Variants in NALF1 observed in about 807,000 individuals in gnomAD.
NALF1 encodes NALCN channel auxiliary factor 1.
A neutral mutation model predicts 48.4 loss-of-function variants in NALF1; 3 were observed. That is an observed-to-expected ratio of 0.06 (90% CI 0.03 to 0.16). The LOEUF (loss-of-function observed/expected upper bound fraction) is 0.16. Among genes scored for constraint, NALF1 ranks in the 10% least tolerant of loss-of-function variants. The probability of loss-of-function intolerance (pLI) is 1.00; values close to 1 mark genes in which losing one functional copy is unlikely to be tolerated. For missense variants in NALF1, 526 were observed against 571.5 expected (o/e 0.92, Z 0.81); for synonymous variants, 262 against 245.7 (o/e 1.07, Z -0.62).
At chr13:107,787,992 T>C (rs550479824) in intron 1 of NALF1, among the ~76,000 whole-genome samples, 1 of 152,298 alleles carries the variant, frequency 6.6e-6, no homozygotes, top group African/African-American at 2.4e-5. Flanking sequence ...AATTGTCCCT[T>C]GAATCTCTCA....
intron 1 of NALF1, among the ~76,000 whole-genome samples, chr13:107,246,697 G>A (rs1880592646): frequency 6.6e-6 from 1 of 152,026 alleles, no homozygotes; most frequent in Non-Finnish European, 1.5e-5. Context: ...ATATGAAAAC[G>A]AACAAGCCTA....
At chr13:107,815,722 A>G (rs777480522) in intron 1 of NALF1, among the ~76,000 whole-genome samples, 2 of 152,166 alleles carry the variant, frequency 1.3e-5, no homozygotes, top group Non-Finnish European at 2.9e-5. Context: ...GTAGCCCAAA[A>G]AGGTGAACAA....
At position 107,452,422 on chromosome 13, in the gene NALF1, G is replaced by A. The variant is rs538565388; in HGVS notation, c.916-241667C>T. ...AAGGCATCTTCTTCACAAGGTGGCA[G>A]GAAGGAGAAGGGCCAAGTGAATGGG... On this transcript the variant is annotated intron_variant, in intron 1 of 2. Coordinates refer to ENST00000375915, the MANE Select transcript of NALF1 (RefSeq NM_001080396.3). Among the ~76,000 whole-genome samples the A allele has an allele frequency of 1.4e-4, 21 of 152,240 alleles. No homozygotes were observed. In the Middle Eastern group the frequency reaches 0.017, roughly 123 times the overall value.
chr13:107,478,524 T>G (rs775951033), intron 1 of NALF1, among the ~76,000 whole-genome samples: 18 of 152,096 alleles, frequency 1.2e-4, no homozygotes, highest in Non-Finnish European at 2.2e-4. Flanking sequence ...TAATTTACTA[T>G]TTACAAAAAC....
At chr13:107,642,057 T>A (rs1056662451) in intron 1 of NALF1, among the ~76,000 whole-genome samples, 11 of 152,224 alleles carry the variant, frequency 7.2e-5, no homozygotes, top group African/African-American at 2.4e-4. Flanking sequence ...ACCAGCAGCA[T>A]CAACTGGCCT....
At chr13:107,174,741 G>T (rs1400116036) in intron 2 of NALF1, among the ~76,000 whole-genome samples, 1 of 151,992 alleles carries the variant, frequency 6.6e-6, no homozygotes, top group Non-Finnish European at 1.5e-5. Context: ...GAAGCAGAAG[G>T]CCAGGGAGCA....
chr13:107,431,869 C>G (rs143227853), intron 1 of NALF1, among the ~76,000 whole-genome samples: 5 of 152,198 alleles, frequency 3.3e-5, no homozygotes, highest in African/African-American at 1.2e-4. Context: ...GTAATTATAT[C>G]AGTCCTTGGA....
chr13:107,702,529 GT>G (rs1230456521), intron 1 of NALF1, among the ~76,000 whole-genome samples: 1 of 151,994 alleles, frequency 6.6e-6, no homozygotes, highest in African/African-American at 2.4e-5. Context: ...GTTTTATGGT[GT>G]TTTGTTTTTT....
intron 1 of NALF1, among the ~76,000 whole-genome samples, chr13:107,628,211 G>A (rs1336700870): frequency 6.6e-6 from 1 of 152,036 alleles, no homozygotes; most frequent in African/African-American, 2.4e-5. Context: ...AAAGCAAGAT[G>A]TTTCCCTTAA....
Position 107,169,154 on chromosome 13 carries a change from A to AACT in NALF1, c.*1340_*1342dup, listed in dbSNP as rs375277495. 6.6e-6 allele frequency: 1 copy of AACT among 152,570 alleles called. No homozygotes were observed. The highest frequency in any genetic ancestry group is 2.4e-5 in the African/African-American group (1 of 41,454). 9.5% of individuals were successfully genotyped at this position (152,570 alleles called of 1,614,324 possible). A position where few individuals can be genotyped will look rare whatever the true frequency, so the allele number is the denominator to read the frequency against. On this transcript the variant is annotated 3_prime_UTR_variant, in exon 3 of 3. Transcript: ENST00000375915. ...AACAGTGATCAGACCTCTTTTCCTC[A>AACT]ACTACCTAGAGCATGTTAGAGTGAT...
chr13:107,854,763 A>T (rs996664378), intron 1 of NALF1, among the ~76,000 whole-genome samples: 1 of 151,190 alleles, frequency 6.6e-6, no homozygotes, highest in Non-Finnish European at 1.5e-5. Context: ...AATCCCAGCT[A>T]CTCGGGAGGC....
intron 1 of NALF1, among the ~76,000 whole-genome samples, chr13:107,501,246 C>T (rs1314559049): frequency 6.6e-6 from 1 of 152,072 alleles, no homozygotes; most frequent in Non-Finnish European, 1.5e-5. Flanking sequence ...TTAATCTATT[C>T]CTGAGGCTCC....
At chr13:107,703,304 T>C (rs1427181051) in intron 1 of NALF1, among the ~76,000 whole-genome samples, 1 of 152,184 alleles carries the variant, frequency 6.6e-6, no homozygotes, top group Non-Finnish European at 1.5e-5. Context: ...TGTTTCTTCT[T>C]TGAACAAATT....
intron 1 of NALF1, among the ~76,000 whole-genome samples, chr13:107,642,733 G>T (rs781336963): frequency 3.9e-5 from 6 of 152,190 alleles, no homozygotes; most frequent in Non-Finnish European, 8.8e-5. Flanking sequence ...AAAGGAAAGA[G>T]AGTTGAGCAT....
chr13:107,307,949 A>C (rs1235434073), intron 1 of NALF1, among the ~76,000 whole-genome samples: 1 of 152,184 alleles, frequency 6.6e-6, no homozygotes, highest in Non-Finnish European at 1.5e-5. Flanking sequence ...TAATTACCTC[A>C]AAGTGATATT....
intron 1 of NALF1, among the ~76,000 whole-genome samples, chr13:107,423,565 A>G (rs1884229033): frequency 6.6e-6 from 1 of 152,192 alleles, no homozygotes; most frequent in African/African-American, 2.4e-5. Context: ...GAGGAAAAAA[A>G]ACTCGGGTTT....
intron 1 of NALF1, among the ~76,000 whole-genome samples, chr13:107,262,769 G>GCACGCGCTCTCTCT: frequency 6.9e-6 from 1 of 144,122 alleles, no homozygotes; most frequent in Admixed American, 7.0e-5. Flanking sequence ...ACCCACAGGC[G>GCACGCGCTCTCTCT]CTCTCTCTCT....
At position 107,466,364 on chromosome 13, in the gene NALF1, T is replaced by C. The variant is rs1365040251; in HGVS notation, c.916-255609A>G. 2.0e-5 allele frequency: 3 copies of C among 152,200 alleles called. No individual in the cohort carries two copies. In the East Asian group the frequency reaches 5.8e-4, roughly 29 times the overall value. 9.4% of individuals were successfully genotyped at this position (152,200 alleles called of 1,614,324 possible). A position where few individuals can be genotyped will look rare whatever the true frequency, so the allele number is the denominator to read the frequency against. ...CAGTGATTAGATTTCAAAATAGGAA[T>C]TTTGGAGGTCCACACACATGCAAAG... On this transcript the variant is annotated intron_variant, in intron 1 of 2. Coordinates refer to ENST00000375915, the MANE Select transcript of NALF1 (RefSeq NM_001080396.3).
chr13:107,856,882 C>T (rs943643181), intron 1 of NALF1, among the ~76,000 whole-genome samples: 8 of 152,166 alleles, frequency 5.3e-5, no homozygotes, highest in Non-Finnish European at 1.0e-4. Context: ...TCTTGAGTTC[C>T]TGAGACAGCC....
Sources: allele counts gnomAD v4.1 joint callset (sites outside exome capture counted in the v4.1 genomes callset), GRCh38; gene constraint gnomAD v4.1.1; transcripts MANE v1.5; gene names NCBI Gene and HGNC (gene_info 2026-07-23, HGNC 2026-07-21).